The following SOX5 variants were observed in gnomAD, a reference collection of about 807,000 sequenced individuals.
SOX5 encodes transcription factor SOX-5.
A neutral mutation model predicts 92.0 loss-of-function variants in SOX5; 9 were observed. The ratio of observed to expected loss-of-function variants is 0.10; its 90% confidence interval spans 0.06 to 0.17. The LOEUF is 0.17. SOX5 is among the 10% of genes least tolerant of loss of function. The probability of loss-of-function intolerance (pLI) is 1.00; values close to 1 mark genes in which losing one functional copy is unlikely to be tolerated. For synonymous variants in SOX5, 344 were observed against 336.3 expected, an observed-to-expected ratio of 1.02 and a Z score of -0.25; for missense variants, 642 against 944.5, an observed-to-expected ratio of 0.68 and a Z score of 4.20.
At chr12:23,590,325 A>G (rs1368493999) in intron 9 of SOX5, among the ~76,000 whole-genome samples, 2 of 151,984 alleles carry the variant, frequency 1.3e-5, no homozygotes, top group Non-Finnish European at 2.9e-5. Context: ...TTTTTTACAC[A>G]CTTGTATCTT....
At chr12:24,439,632 C>T (rs1002319375) in intron 1 of SOX5, among the ~76,000 whole-genome samples, 2 of 152,254 alleles carry the variant, frequency 1.3e-5, no homozygotes, top group Admixed American at 6.5e-5. Flanking sequence ...CAGTAGCTCA[C>T]GACTGTAATC....
At chr12:24,019,799 CT>C (rs1469247746) in intron 4 of SOX5, among the ~76,000 whole-genome samples, 1 of 152,182 alleles carries the variant, frequency 6.6e-6, no homozygotes, top group Non-Finnish European at 1.5e-5. Flanking sequence ...ACTTGGTGAA[CT>C]GAAGCTCCAT....
chr12:23,691,530 T>C (rs1184291491), intron 6 of SOX5, among the ~76,000 whole-genome samples: 2 of 152,216 alleles, frequency 1.3e-5, no homozygotes, highest in East Asian at 1.9e-4. Context: ...GGGAAGATTT[T>C]AAACCACTAA....
intron 1 of SOX5, among the ~76,000 whole-genome samples, chr12:23,936,252 C>T (rs1355711926): frequency 2.0e-5 from 3 of 151,128 alleles, no homozygotes; most frequent in East Asian, 3.9e-4. Context: ...ATTCTTACCC[C>T]TCCACAAACT....
intron 1 of SOX5, among the ~76,000 whole-genome samples, chr12:23,916,893 T>TA (rs913222257): frequency 6.6e-5 from 10 of 151,292 alleles, no homozygotes; most frequent in South Asian, 2.1e-4. Flanking sequence ...TTTTAATATC[T>TA]AAAAAAAAAC....
chr12:24,106,278 A>C (rs1233047500), intron 4 of SOX5, among the ~76,000 whole-genome samples: 3 of 152,144 alleles, frequency 2.0e-5, no homozygotes, highest in Non-Finnish European at 4.4e-5. Context: ...ATATTTAATC[A>C]ATAAGGTTGA....
At chr12:24,163,556 T>A (rs1953024849) in intron 4 of SOX5, among the ~76,000 whole-genome samples, 1 of 151,386 alleles carries the variant, frequency 6.6e-6, no homozygotes, top group Non-Finnish European at 1.5e-5. Context: ...AATCTCTGCC[T>A]TATAGATTCA....
chr12:23,986,638 T>C (rs1056254072), intron 4 of SOX5, among the ~76,000 whole-genome samples: 1 of 152,158 alleles, frequency 6.6e-6, no homozygotes, highest in Non-Finnish European at 1.5e-5. Flanking sequence ...AATAACAGAT[T>C]TGAATGATCC....
At chr12:23,671,594 G>A (rs749157596) in intron 6 of SOX5, among the ~76,000 whole-genome samples, 3 of 152,182 alleles carry the variant, frequency 2.0e-5, no homozygotes, top group South Asian at 4.1e-4. Context: ...TTCAATGACC[G>A]CTAATAGTCT....
intron 1 of SOX5, among the ~76,000 whole-genome samples, chr12:24,528,025 C>T (rs1950860592): frequency 6.6e-6 from 1 of 152,234 alleles, no homozygotes; most frequent in Non-Finnish European, 1.5e-5. Flanking sequence ...AAGCTGTCTT[C>T]ATCACACACT....
intron 1 of SOX5, among the ~76,000 whole-genome samples, chr12:24,451,325 A>G (rs531475506): frequency 4.6e-5 from 7 of 152,150 alleles, no homozygotes; most frequent in Admixed American, 1.3e-4. Flanking sequence ...CAGTGGGATT[A>G]CCCAGGTCAT....
intron 6 of SOX5, among the ~76,000 whole-genome samples, chr12:23,683,059 C>T (rs1220113229): frequency 1.3e-5 from 2 of 151,758 alleles, no homozygotes; most frequent in East Asian, 3.9e-4. Flanking sequence ...TTTGTAATGA[C>T]TAGCTTTTTT....
intron 4 of SOX5, among the ~76,000 whole-genome samples, chr12:24,030,668 C>T (rs1232454313): frequency 1.3e-5 from 2 of 151,770 alleles, no homozygotes; most frequent in Non-Finnish European, 2.9e-5. Context: ...GAAGCACAGG[C>T]AACAAAAGCA....
intron 1 of SOX5, among the ~76,000 whole-genome samples, chr12:23,930,274 G>C (rs946297920): frequency 1.3e-5 from 2 of 151,760 alleles, no homozygotes; most frequent in African/African-American, 2.4e-5. Context: ...AAATTTACCT[G>C]AATGTAGCAA....
At chr12:23,936,298 T>C (rs1247953168) in intron 1 of SOX5, among the ~76,000 whole-genome samples, 1 of 150,966 alleles carries the variant, frequency 6.6e-6, no homozygotes, top group Non-Finnish European at 1.5e-5. Flanking sequence ...AAGATACATA[T>C]AGTGGCATTT....
chr12:23,934,822 T>A (rs1306480614), intron 1 of SOX5, among the ~76,000 whole-genome samples: 3 of 151,292 alleles, frequency 2.0e-5, no homozygotes, highest in Non-Finnish European at 3.0e-5. Context: ...TAATCTCCAA[T>A]TCACAGATTA....
chr12:24,024,734 T>C (rs1023595417), intron 4 of SOX5, among the ~76,000 whole-genome samples: 4 of 152,026 alleles, frequency 2.6e-5, no homozygotes, highest in African/African-American at 9.7e-5. Context: ...GGACAGAATA[T>C]ATTAAAAGGG....
At chr12:24,299,006 G>A (rs944025241) in intron 2 of SOX5, among the ~76,000 whole-genome samples, 4 of 151,994 alleles carry the variant, frequency 2.6e-5, no homozygotes, top group African/African-American at 9.7e-5. Context: ...ACAAGTATTG[G>A]GTCTATGTGT....
chr12:24,138,841 T>G (rs1019479964), intron 4 of SOX5, among the ~76,000 whole-genome samples: 2 of 152,152 alleles, frequency 1.3e-5, no homozygotes, highest in African/African-American at 4.8e-5. Flanking sequence ...CCCCCCATTT[T>G]AAAAATTGCT....
Sources: gnomAD v4.1 joint callset for allele counts (sites outside exome capture counted in the v4.1 genomes callset) on GRCh38, gnomAD v4.1.1 for gene constraint, MANE v1.5 for transcripts, NCBI Gene and HGNC (gene_info 2026-07-23, HGNC 2026-07-21) for gene names.